SLC35D1: variants seen among roughly 807,000 people sequenced by gnomAD.
SLC35D1 encodes solute carrier family 35 member D1.
A neutral mutation model predicts 46.7 loss-of-function variants in SLC35D1; 31 were observed. The ratio of observed to expected loss-of-function variants is 0.66; its 90% CI spans 0.50 to 0.90. SLC35D1 has a LOEUF of 0.90. Ranked by LOEUF, SLC35D1 falls within the 40% of genes least tolerant of loss-of-function variation. The pLI is 0.00. For missense variants in SLC35D1, 397 were observed against 426.2 expected (o/e 0.93, Z 0.60); for synonymous variants, 195 against 164.6 (o/e 1.18, Z -1.41).
At chr1:67,042,197 A>G in intron 8 of SLC35D1, 39 bp downstream of exon 8, 2 of 1,508,454 alleles carry the variant, frequency 1.3e-6, no homozygotes, top group Non-Finnish European at 9.2e-7. Flanking sequence ...AATGCAGTTC[A>G]TCAACGTAAG....
At chr1:67,017,767 C>T (rs1490098971) in intron 10 of SLC35D1, among the ~76,000 whole-genome samples, 1 of 152,108 alleles carries the variant, frequency 6.6e-6, no homozygotes, top group Non-Finnish European at 1.5e-5. Context: ...TACACAGAGG[C>T]CTAGTGTACC....
At chr1:66,975,992 G>T in the SLC35D1 span, among the ~76,000 whole-genome samples, 28,987 of 150,424 alleles carry the variant, frequency 0.19, 5,148 homozygotes, top group African/African-American at 0.48. Context: ...CCTTTTTTTT[G>T]TGTGTGTGTG....
At chr1:67,007,914 C>A (rs1667484011) in intron 11 of SLC35D1, among the ~76,000 whole-genome samples, 1 of 152,130 alleles carries the variant, frequency 6.6e-6, no homozygotes, top group Admixed American at 6.5e-5. Flanking sequence ...AAAGTTGATA[C>A]CTTCTAGTAC....
At chr1:67,010,956 C>T (rs1667554254) in intron 10 of SLC35D1, among the ~76,000 whole-genome samples, 2 of 152,164 alleles carry the variant, frequency 1.3e-5, no homozygotes, top group South Asian at 4.1e-4. Flanking sequence ...ATCTAGGAAA[C>T]ACTAACTGAG....
chr1:67,044,803 C>A (rs1325327904), intron 7 of SLC35D1, among the ~76,000 whole-genome samples: 8 of 152,164 alleles, frequency 5.3e-5, no homozygotes, highest in African/African-American at 1.9e-4. Context: ...TTGTAAGCAG[C>A]CTGATATTAT....
downstream of SLC35D1, among the ~76,000 whole-genome samples, chr1:66,995,440 A>AAAAAAAAAAAAAAAAAAC (rs1479196151): frequency 1.9e-4 from 2 of 10,754 alleles, no homozygotes; most frequent in Non-Finnish European, 3.5e-4. Context: ...CGCTAAAAAA[A>AAAAAAAAAAAAAAAAAAC]AAAAAAAAAA....
intron 10 of SLC35D1, among the ~76,000 whole-genome samples, chr1:67,017,372 A>G (rs1488133369): frequency 2.0e-5 from 3 of 152,138 alleles, no homozygotes; most frequent in Non-Finnish European, 4.4e-5. Context: ...TAATATTTAG[A>G]CTAAAACCTG....
the SLC35D1 span, among the ~76,000 whole-genome samples, chr1:66,992,901 T>C: frequency 6.6e-6 from 1 of 152,388 alleles, no homozygotes; most frequent in East Asian, 1.9e-4. Context: ...AAGTGATTGC[T>C]ATTAAAAGCA....
Position 66,999,660 on chromosome 1 carries a change from T to A in SLC35D1, c.*4680A>T, listed in dbSNP as rs914194382. 2.0e-5 allele frequency: 3 copies of A among 151,924 alleles called. No individual in the cohort carries two copies. Among genetic ancestry groups the A allele is most frequent in the African/African-American group, 7.2e-5 (3 of 41,384 alleles). 9.4% of individuals were successfully genotyped at this position (151,924 alleles called of 1,614,324 possible). A position where few individuals can be genotyped will look rare whatever the true frequency, so the allele number is the denominator to read the frequency against. ...TAAATCTAACCAGTAGATTTCTTTTTAAAAAGTATTTTTAAAGAACAAAGC... is the reference window on the plus strand; with the variant it reads ...TAAATCTAACCAGTAGATTTCTTTTAAAAAAGTATTTTTAAAGAACAAAGC... On this transcript the variant is annotated 3_prime_UTR_variant, in exon 12 of 12. Transcript: ENST00000235345.
At chr1:67,021,154 A>G (rs1016083286) in intron 9 of SLC35D1, among the ~76,000 whole-genome samples, 1 of 152,214 alleles carries the variant, frequency 6.6e-6, no homozygotes, top group African/African-American at 2.4e-5. Flanking sequence ...AAAACATGGT[A>G]AAGAGGGGTC....
At chr1:66,977,288 T>G in the SLC35D1 span, among the ~76,000 whole-genome samples, 1 of 152,104 alleles carries the variant, frequency 6.6e-6, no homozygotes, top group African/African-American at 2.4e-5. Context: ...TTTTGAATTT[T>G]TATTAGAGAC....
chr1:66,976,532 G>A, the SLC35D1 span: 1 of 1,476,018 alleles, frequency 6.8e-7, no homozygotes, highest in Non-Finnish European at 9.1e-7. Flanking sequence ...AACTTCAGAT[G>A]TTTATCATGA....
Position 67,001,228 on chromosome 1 carries a change from G to C in SLC35D1, c.*3112C>G, listed in dbSNP as rs535824949. On this transcript the variant is annotated 3_prime_UTR_variant, in exon 12 of 12. Transcript: ENST00000235345. ...CAATGTGAAACTCCACTGTTTCTCC[G>C]TGAGGATCCTGCACCAGCTGTACTG... The C allele has an allele frequency of 2.6e-5, 4 of 152,348 alleles. No homozygotes were observed. Among genetic ancestry groups the C allele is most frequent in the African/African-American group, 9.6e-5 (4 of 41,522 alleles). 9.4% of individuals were successfully genotyped at this position (152,348 alleles called of 1,614,324 possible). A position where few individuals can be genotyped will look rare whatever the true frequency, so the allele number is the denominator to read the frequency against.
At chr1:67,052,469 T>C (rs1194505907) in intron 3 of SLC35D1, among the ~76,000 whole-genome samples, 2 of 152,036 alleles carry the variant, frequency 1.3e-5, no homozygotes, top group African/African-American at 4.8e-5. Flanking sequence ...CAAAGAATAA[T>C]GAATGCAGGA....
chr1:66,988,967 C>T, the SLC35D1 span, among the ~76,000 whole-genome samples: 2 of 152,128 alleles, frequency 1.3e-5, no homozygotes, highest in African/African-American at 2.4e-5. Flanking sequence ...GGCACGATCT[C>T]AAGAAAATGA....
intron 8 of SLC35D1, among the ~76,000 whole-genome samples, chr1:67,035,785 GTTGT>G (rs1287572866): frequency 7.3e-6 from 1 of 137,308 alleles, no homozygotes; most frequent in Non-Finnish European, 1.6e-5. Context: ...GTATCATTAG[GTTGT>G]TTATTTGAAG....
chr1:66,999,014 G>A (rs551206722), downstream of SLC35D1, among the ~76,000 whole-genome samples: 1 of 152,180 alleles, frequency 6.6e-6, no homozygotes, highest in South Asian at 2.1e-4. Context: ...CTTTAAAAAA[G>A]GTTTAATATG....
chr1:67,022,195 A>C (rs1014062720), intron 8 of SLC35D1, among the ~76,000 whole-genome samples: 2 of 152,198 alleles, frequency 1.3e-5, no homozygotes, highest in Non-Finnish European at 1.5e-5. Context: ...GAAAGGGTAC[A>C]CTGATCATCT....
chr1:66,999,725 T>G lies in SLC35D1; in HGVS notation c.*4615A>C, dbSNP rs1558145671. Reference sequence around the variant, plus strand: ...AACTACAACACTGTAAACTATATCCTCATGCCATGAAGCAGCATCCTGAAA... The same window carrying G: ...AACTACAACACTGTAAACTATATCCGCATGCCATGAAGCAGCATCCTGAAA... On this transcript the variant is annotated 3_prime_UTR_variant, in exon 12 of 12. Transcript: ENST00000235345. 1 of 151,782 alleles carries G rather than the reference T, an allele frequency of 6.6e-6. No individual in the cohort carries two copies. Among genetic ancestry groups the G allele is most frequent in the Non-Finnish European group, 1.5e-5 (1 of 67,954 alleles). 9.4% of individuals were successfully genotyped at this position (151,782 alleles called of 1,614,324 possible). A position where few individuals can be genotyped will look rare whatever the true frequency, so the allele number is the denominator to read the frequency against.
Sources: allele counts gnomAD v4.1 joint callset (sites outside exome capture counted in the v4.1 genomes callset), GRCh38; gene constraint gnomAD v4.1.1; transcripts MANE v1.5; gene names NCBI Gene and HGNC (gene_info 2026-07-23, HGNC 2026-07-21).